Variants in LMNB2 observed in about 807,000 individuals in gnomAD.
LMNB2 encodes the protein lamin B2, also known as lamin-B2.
In LMNB2, 17 loss-of-function variants were observed where a neutral mutation model predicts 69.3. That is an observed-to-expected ratio of 0.25 (90% CI 0.17 to 0.37). The LOEUF (loss-of-function observed/expected upper bound fraction) is 0.37, where lower values mean the gene tolerates loss of function less well. Ranked by LOEUF, LMNB2 falls within the 10% of genes least tolerant of loss-of-function variation. The pLI is 1.00. For synonymous variants in LMNB2, 397 were observed against 389.3 expected, an observed-to-expected ratio of 1.02 and a Z score of -0.23; for missense variants, 789 against 883.6, an observed-to-expected ratio of 0.89 and a Z score of 1.36.
chr19:2,440,508 A>G (rs1240126165), intron 2 of LMNB2, among the ~76,000 whole-genome samples: 2 of 152,140 alleles, frequency 1.3e-5, no homozygotes, highest in African/African-American at 4.8e-5. Flanking sequence ...AGCTATATCT[A>G]TCTATTGCTC....
intron 4 of LMNB2, chr19:2,436,754 C>T (rs1281761996): frequency 5.1e-5 from 8 of 155,442 alleles, no homozygotes; most frequent in South Asian, 1.7e-4. Flanking sequence ...CCCACCTCCA[C>T]GGCCGCCCTT....
In LMNB2 at chr19:2,434,768, G is replaced by A. The variant is rs755258594; in HGVS notation, c.981+20C>T. The A allele has an allele frequency of 1.1e-5, 17 of 1,595,358 alleles. No individual in the cohort carries two copies. The highest frequency in any genetic ancestry group is 6.8e-5 in the East Asian group (3 of 44,088). ...AAGTTGGGCCAGGGGGACGGCAGAC[G>A]GTGGCGCTGTGCTCATCACCTGCTT... On this transcript the variant is annotated intron_variant, in intron 6 of 11. Coordinates refer to ENST00000325327, the MANE Select transcript of LMNB2 (RefSeq NM_032737.4).
chr19:2,452,219 T>C (rs932629427), intron 1 of LMNB2, among the ~76,000 whole-genome samples: 2 of 152,046 alleles, frequency 1.3e-5, no homozygotes, highest in Admixed American at 6.6e-5. Context: ...GTGGAACCCA[T>C]GCTTGGCCTG....
intron 1 of LMNB2, among the ~76,000 whole-genome samples, chr19:2,446,833 C>T (rs1354271333): frequency 6.6e-6 from 1 of 152,196 alleles, no homozygotes; most frequent in Non-Finnish European, 1.5e-5. Context: ...AATTCACATC[C>T]ATGCATGTTT....
At chr19:2,452,582 C>T (rs1413605827) in intron 1 of LMNB2, among the ~76,000 whole-genome samples, 8 of 151,958 alleles carry the variant, frequency 5.3e-5, no homozygotes, top group East Asian at 3.9e-4. Flanking sequence ...AAAAATTAGC[C>T]GGGTGTGGTG....
rs1168369089 is a variant in LMNB2 at position 2,434,885 on chromosome 19, T to C, written c.884A>G (p.Gln295Arg). The C allele has an allele frequency of 6.2e-7, 1 of 1,606,554 alleles. No homozygotes were observed. Among genetic ancestry groups the C allele is most frequent in the Non-Finnish European group, 8.5e-7 (1 of 1,179,346 alleles). ...AGCCGCACTGGCCGCCTTGTCGTTC[T>C]GGTCAGAGCTCAGCTTGGCGCTGTC... ...KLDSAKLSSD[Q>R]NDKAASAARE... The change falls in exon 6 of 12, where the codon CAG (glutamine) becomes CGG (arginine). Residue 295 changes from glutamine to arginine, a missense_variant. Gln to Arg is a conservative substitution (Grantham distance 43, BLOSUM62 1). Around this residue, in one of 3 missense-constraint regions of LMNB2, gnomAD observed 609 missense variants for 630.9 expected, o/e 0.97. Transcript: ENST00000325327.
At chr19:2,435,421 A>G (rs534408011) in intron 4 of LMNB2, among the ~76,000 whole-genome samples, 1 of 152,190 alleles carries the variant, frequency 6.6e-6, no homozygotes, top group Non-Finnish European at 1.5e-5. Context: ...AGGACGTCAC[A>G]CTCAATGAGA....
Position 2,429,247 on chromosome 19 carries a change from C to G in LMNB2, c.*1664G>C, listed in dbSNP as rs1049616678. The G allele has an allele frequency of 1.3e-5, 2 of 152,346 alleles. No homozygotes were observed. Among genetic ancestry groups the G allele is most frequent in the Admixed American group, 1.3e-4 (2 of 15,306 alleles). 9.4% of individuals were successfully genotyped at this position (152,346 alleles called of 1,614,324 possible). A position where few individuals can be genotyped will look rare whatever the true frequency, so the allele number is the denominator to read the frequency against. ...TGCTATGAAGGTGGGAAAGAGGACA[C>G]AGTCTGTCGCCAGCATTCCCACTTC... is the stretch of plus-strand genomic sequence containing the variant. On this transcript the variant is annotated 3_prime_UTR_variant, in exon 12 of 12. Transcript: ENST00000325327.
intron 9 of LMNB2, among the ~76,000 whole-genome samples, chr19:2,432,152 C>T (rs1004839826): frequency 6.6e-6 from 1 of 152,122 alleles, no homozygotes; most frequent in Non-Finnish European, 1.5e-5. Context: ...ATGGCCCATG[C>T]GCCTGACTGT....
At position 2,431,763 on chromosome 19, in the gene LMNB2, C is replaced by T. The variant is rs753332163; in HGVS notation, c.1710+20G>A. The T allele has an allele frequency of 2.6e-5, 42 of 1,613,710 alleles. No individual in the cohort carries two copies. The highest frequency in any genetic ancestry group is 3.6e-5 in the Non-Finnish European group (42 of 1,179,874). On this transcript the variant is annotated intron_variant, in intron 10 of 11. Coordinates refer to ENST00000325327, the MANE Select transcript of LMNB2 (RefSeq NM_032737.4). ...TGCCCAGGACTCCAGCCGAGCACCC[C>T]CCAAGCCACACACACCCACCTCGCC... is the stretch of plus-strand genomic sequence containing the variant.
At chr19:2,455,205 G>C (rs1242922736) in intron 1 of LMNB2, among the ~76,000 whole-genome samples, 1 of 151,978 alleles carries the variant, frequency 6.6e-6, no homozygotes, top group Non-Finnish European at 1.5e-5. Flanking sequence ...ATTCATCAGG[G>C]AACTCGCTAA....
chr19:2,439,610 A>G (rs1971870419), intron 2 of LMNB2, among the ~76,000 whole-genome samples: 1 of 152,184 alleles, frequency 6.6e-6, no homozygotes, highest in Non-Finnish European at 1.5e-5. Context: ...GGAATAACAC[A>G]GCCAAGGCTG....
rs143332041 is a variant in LMNB2, at chr19:2,454,188, G to A, written c.264+2482C>T. Among the ~76,000 whole-genome samples the A allele has an allele frequency of 1.7e-3, 257 of 151,800 alleles. 1 individual carries two copies. The highest frequency in any genetic ancestry group is 2.4e-3 in the Non-Finnish European group (162 of 67,952). On this transcript the variant is annotated intron_variant, in intron 1 of 11. Coordinates refer to ENST00000325327, the MANE Select transcript of LMNB2 (RefSeq NM_032737.4). ...AACACCTGTAATCCCAGCTACTCGG[G>A]AGACGGGGGCAGGAGAATCACTTGA...
intron 7 of LMNB2, 90 bp from the exon 8 acceptor site, chr19:2,434,195 T>A: frequency 6.6e-7 from 1 of 1,506,914 alleles, no homozygotes; most frequent in Non-Finnish European, 8.9e-7. Context: ...CGGCCCCACC[T>A]CCACCCCTGC....
chr19:2,441,429 C>T (rs979605187), intron 2 of LMNB2, among the ~76,000 whole-genome samples: 1 of 152,258 alleles, frequency 6.6e-6, no homozygotes, highest in Non-Finnish European at 1.5e-5. Flanking sequence ...ACACTAAGCT[C>T]TACTTCCCCA....
In LMNB2 at chr19:2,446,500, C is replaced by T. The variant is rs569521092; in HGVS notation, c.265-1960G>A. 1.1e-4 allele frequency among the ~76,000 whole-genome samples: 17 copies of T among 152,356 alleles called. 2 individuals carry two copies. The East Asian group carries it at 3.3e-3, about 29-fold the overall frequency. On this transcript the variant is annotated intron_variant, in intron 1 of 11. Transcript: ENST00000325327. The stretch of plus-strand genomic sequence containing the variant: ...AGCCGCCACCTGCCCGGCCTCTGCA[C>T]GCGCCAGCTGGGGGCACAGCTCAGG...
Position 2,434,469 on chromosome 19 carries a change from G to A in LMNB2, c.1028C>T (p.Ala343Val). 2 of 1,613,234 alleles carry A rather than the reference G, an allele frequency of 1.2e-6. No homozygotes were observed. The highest frequency in any genetic ancestry group is 1.7e-6 in the Non-Finnish European group (2 of 1,179,936). Residue 343 changes from alanine (A) to valine (V), a missense_variant, in exon 7 of 12, where the codon GCC becomes GTC. Physicochemically the swap from Ala to Val is moderately conservative, Grantham distance 64 (BLOSUM62 0). Coordinates refer to ENST00000325327, the MANE Select transcript of LMNB2 (RefSeq NM_032737.4). ...DRIRELEEAMAGERDKFRKML... is the reference protein window; with the variant it reads ...DRIRELEEAMVGERDKFRKML... ...CTTCCGGAACTTGTCCCGCTCCCCG[G>A]CCATGGCCTCCTCCAGCTCCCGAAT... is the stretch of plus-strand genomic sequence containing the variant.
In LMNB2 at chr19:2,431,900, C is replaced by T; in HGVS notation, c.1593G>A (p.Val531=). 1 of 1,610,750 alleles carries T rather than the reference C, an allele frequency of 6.2e-7. No individual in the cohort carries two copies. The highest frequency in any genetic ancestry group is 8.5e-7 in the Non-Finnish European group (1 of 1,179,774). The change falls in exon 10 of 12, where the codon GTG becomes GTA. Residue 531 remains valine, a splice_region_variant and synonymous_variant. Coordinates refer to ENST00000325327, the MANE Select transcript of LMNB2 (RefSeq NM_032737.4). ...YILRAGQMVT[V]WAAGAGVAHS... ...GGGCCACCCCCGCACCAGCTGCCCA[C>T]ACCTGAGGACCCAATAACAATGGCC...
chr19:2,440,848 C>T (rs1161509282), intron 2 of LMNB2, among the ~76,000 whole-genome samples: 2 of 152,218 alleles, frequency 1.3e-5, no homozygotes, highest in African/African-American at 2.4e-5. Context: ...ATCCATCATC[C>T]ACCCATCTCC....
Sources: gnomAD v4.1 joint callset for allele counts (sites outside exome capture counted in the v4.1 genomes callset) on GRCh38, gnomAD v4.1.1 for gene constraint, gnomAD v4.1.1 regional missense constraint, MANE v1.5 for transcripts, NCBI Gene and HGNC (gene_info 2026-07-23, HGNC 2026-07-21) for gene names.